Variants in KIF16B observed in about 807,000 individuals in gnomAD.
The protein encoded by KIF16B is kinesin-like protein KIF16B.
KIF16B carries 98 observed loss-of-function variants against 156.3 expected under a neutral mutation model. The ratio of observed to expected loss-of-function variants is 0.63; its 90% CI spans 0.53 to 0.74. The LOEUF (loss-of-function observed/expected upper bound fraction) is 0.74, where lower values mean the gene tolerates loss of function less well. Among genes scored for constraint, KIF16B ranks in the 30% least tolerant of loss-of-function variants. The pLI, the probability that KIF16B is intolerant of heterozygous loss-of-function variation, is 0.00. For synonymous variants in KIF16B, 564 were observed against 583.7 expected, an observed-to-expected ratio of 0.97 and a Z score of 0.49; for missense variants, 1,421 against 1,606.5, an observed-to-expected ratio of 0.88 and a Z score of 1.97.
chr20:16,499,310 A>G (rs990406028), intron 10 of KIF16B, among the ~76,000 whole-genome samples: 3 of 152,204 alleles, frequency 2.0e-5, no homozygotes, highest in Non-Finnish European at 4.4e-5. Context: ...TATTAATAGT[A>G]CATATGTAGT....
chr20:16,343,599 G>T (rs2064179642), intron 23 of KIF16B, among the ~76,000 whole-genome samples: 1 of 152,154 alleles, frequency 6.6e-6, no homozygotes, highest in Non-Finnish European at 1.5e-5. Context: ...AGTTCTGTCT[G>T]ATTTTTGCAA....
Position 16,514,675 on chromosome 20 carries a change from A to G in KIF16B, c.348+873T>C, listed in dbSNP as rs563798382. 5.3e-5 allele frequency among the ~76,000 whole-genome samples: 8 copies of G among 151,260 alleles called. No individual in the cohort carries two copies. The East Asian group carries it at 1.6e-3, about 29-fold the overall frequency. On this transcript the variant is annotated intron_variant, in intron 4 of 25. Coordinates refer to ENST00000354981, the MANE Select transcript of KIF16B (RefSeq NM_024704.5). Reference sequence around the variant, plus strand: ...GGAGGCCGAGGCAGGCGGGTCATCTAAGGTCAGAAGTTCGAGACCAGCCTC... The same window carrying G: ...GGAGGCCGAGGCAGGCGGGTCATCTGAGGTCAGAAGTTCGAGACCAGCCTC...
chr20:16,287,163 G>T (rs1437947276), intron 25 of KIF16B, among the ~76,000 whole-genome samples: 1 of 152,180 alleles, frequency 6.6e-6, no homozygotes, highest in Non-Finnish European at 1.5e-5. Flanking sequence ...GGTAAAATAT[G>T]AGGGAATAAA....
chr20:16,537,648 C>T (rs1007425649), intron 1 of KIF16B, among the ~76,000 whole-genome samples: 6 of 151,378 alleles, frequency 4.0e-5, no homozygotes, highest in Non-Finnish European at 7.4e-5. Context: ...TTCCCACATA[C>T]TAAAGTATCT....
chr20:16,542,460 G>C (rs1382713892), intron 1 of KIF16B, among the ~76,000 whole-genome samples: 2 of 152,212 alleles, frequency 1.3e-5, no homozygotes, highest in Non-Finnish European at 2.9e-5. Context: ...TATCATTTTA[G>C]ATTGTGGTAA....
At chr20:16,510,616 T>C (rs1327580808) in intron 6 of KIF16B, among the ~76,000 whole-genome samples, 1 of 152,010 alleles carries the variant, frequency 6.6e-6, no homozygotes, top group Admixed American at 6.6e-5. Context: ...ACCACTGCAC[T>C]CCAGCCTGGG....
intron 12 of KIF16B, among the ~76,000 whole-genome samples, chr20:16,488,711 G>T (rs2068196517): frequency 1.3e-5 from 2 of 152,148 alleles, no homozygotes; most frequent in South Asian, 4.1e-4. Context: ...GATATGAAGG[G>T]TCTCAAGAAT....
chr20:16,363,570 C>A (rs1422139805), intron 22 of KIF16B, among the ~76,000 whole-genome samples: 3 of 152,180 alleles, frequency 2.0e-5, no homozygotes, highest in Non-Finnish European at 2.9e-5. Flanking sequence ...TACTTCCTTG[C>A]CCCTTGATTT....
chr20:16,365,143 A>T (rs1289894764), intron 22 of KIF16B, among the ~76,000 whole-genome samples: 4 of 152,206 alleles, frequency 2.6e-5, no homozygotes, highest in Admixed American at 6.5e-5. Context: ...CTACTGCAGT[A>T]TAACTCTTTT....
chr20:16,516,432 T>C (rs1008307607), intron 3 of KIF16B, among the ~76,000 whole-genome samples: 7 of 152,206 alleles, frequency 4.6e-5, no homozygotes, highest in East Asian at 1.9e-4. Context: ...GTCTTAGTTA[T>C]AGCCAGCTGG....
chr20:16,352,152 T>G (rs983391176), intron 23 of KIF16B, among the ~76,000 whole-genome samples: 5 of 152,204 alleles, frequency 3.3e-5, no homozygotes, highest in African/African-American at 4.8e-5. Context: ...CAGAAACTTC[T>G]GGAGGGCCTG....
At chr20:16,385,205 A>C (rs1326274400) in intron 17 of KIF16B, among the ~76,000 whole-genome samples, 1 of 152,010 alleles carries the variant, frequency 6.6e-6, no homozygotes, top group African/African-American at 2.4e-5. Context: ...CTCAAAAAAA[A>C]AAAAAAGTAG....
chr20:16,365,564 C>A (rs78629592), intron 22 of KIF16B, among the ~76,000 whole-genome samples: 1 of 152,292 alleles, frequency 6.6e-6, no homozygotes, highest in African/African-American at 2.4e-5. Flanking sequence ...AATTCCCTGT[C>A]TTTTCCTGTT....
At chr20:16,507,928 G>A (rs1411904281) in intron 7 of KIF16B, 30 bp downstream of exon 7, 12 of 1,613,124 alleles carry the variant, frequency 7.4e-6, no homozygotes, top group Non-Finnish European at 9.3e-6. Context: ...CCTCAGGGAT[G>A]GAGCCAGCTG....
intron 24 of KIF16B, among the ~76,000 whole-genome samples, chr20:16,315,135 G>C (rs1400267560): frequency 2.0e-5 from 3 of 152,100 alleles, no homozygotes; most frequent in African/African-American, 7.2e-5. Flanking sequence ...AAGCGGGGAG[G>C]GAGCAAGCAT....
At chr20:16,367,860 A>C (rs760874096) in intron 22 of KIF16B, 12 of 1,576,216 alleles carry the variant, frequency 7.6e-6, no homozygotes, top group Non-Finnish European at 1.0e-5. Context: ...AACTGAATAC[A>C]GTGAGCAGAA....
intron 12 of KIF16B, among the ~76,000 whole-genome samples, chr20:16,471,302 T>C (rs1474820249): frequency 6.6e-6 from 1 of 152,182 alleles, no homozygotes; most frequent in Non-Finnish European, 1.5e-5. Flanking sequence ...ATATGAGTCC[T>C]AAAATACACT....
chr20:16,345,522 C>T lies in KIF16B; in HGVS notation c.3622-9507G>A, dbSNP rs564766502. On this transcript the variant is annotated intron_variant, in intron 23 of 25. Transcript: ENST00000354981. Reference sequence around the variant, plus strand: ...GTTTTAGAAAGTAGGCATTACGGGACGTAAGAGGGCAAATTGTAAAACAAA... The same window carrying T: ...GTTTTAGAAAGTAGGCATTACGGGATGTAAGAGGGCAAATTGTAAAACAAA... Among the ~76,000 whole-genome samples the T allele has an allele frequency of 6.6e-5, 10 of 152,194 alleles. No individual in the cohort carries two copies. The South Asian group carries it at 1.2e-3, about 19-fold the overall frequency.
chr20:16,352,521 T>A (rs1361097102), intron 23 of KIF16B, among the ~76,000 whole-genome samples: 3 of 152,144 alleles, frequency 2.0e-5, no homozygotes, highest in African/African-American at 7.2e-5. Flanking sequence ...GGAACCCCCG[T>A]TGACTTTCTG....
Sources: gnomAD v4.1 joint callset for allele counts (sites outside exome capture counted in the v4.1 genomes callset) on GRCh38, gnomAD v4.1.1 for gene constraint, MANE v1.5 for transcripts, NCBI Gene and HGNC (gene_info 2026-07-23, HGNC 2026-07-21) for gene names.